The following FUT9 variants were observed in gnomAD, a reference collection of about 807,000 sequenced individuals.
FUT9 encodes 4-galactosyl-N-acetylglucosaminide 3-alpha-L-fucosyltransferase 9.
A neutral mutation model predicts 29.7 loss-of-function variants in FUT9; 15 were observed. The ratio of observed to expected loss-of-function variants is 0.51; its 90% CI spans 0.34 to 0.78. FUT9 has a LOEUF of 0.78. Ranked by LOEUF, FUT9 falls within the 30% of genes least tolerant of loss-of-function variation. The pLI, the probability that FUT9 is intolerant of heterozygous loss-of-function variation, is 0.01. For missense variants in FUT9, 319 were observed against 425.4 expected (o/e 0.75, Z 2.20); for synonymous variants, 169 against 153.7 (o/e 1.10, Z -0.74).
chr6:96,073,026 C>T (rs1324167521), intron 1 of FUT9, among the ~76,000 whole-genome samples: 3 of 152,096 alleles, frequency 2.0e-5, no homozygotes, highest in African/African-American at 4.8e-5. Flanking sequence ...CATGAACAAA[C>T]AATCAGAAAA....
chr6:96,112,538 G>A (rs142317019), intron 1 of FUT9, among the ~76,000 whole-genome samples: 1 of 152,186 alleles, frequency 6.6e-6, no homozygotes, highest in Non-Finnish European at 1.5e-5. Context: ...ATAGTCCAAG[G>A]CTATGTAGAA....
At chr6:96,177,053 A>G (rs1287261689) in intron 2 of FUT9, among the ~76,000 whole-genome samples, 1 of 152,116 alleles carries the variant, frequency 6.6e-6, no homozygotes, top group Non-Finnish European at 1.5e-5. Context: ...GGCTCTTCCC[A>G]TGGTTTGTGA....
At chr6:96,149,277 AT>A (rs35987543) in intron 2 of FUT9, among the ~76,000 whole-genome samples, 10 of 151,928 alleles carry the variant, frequency 6.6e-5, no homozygotes, top group East Asian at 5.8e-4. Flanking sequence ...ACCAGAGAGC[AT>A]TTTTTTTAAA....
intron 2 of FUT9, among the ~76,000 whole-genome samples, chr6:96,143,098 G>A (rs372122140): frequency 8.5e-5 from 13 of 152,226 alleles, no homozygotes; most frequent in Middle Eastern, 6.8e-3. Flanking sequence ...AAATTCCTAC[G>A]TTGAAAACCT....
chr6:96,041,236 A>G (rs1190958599), intron 1 of FUT9, among the ~76,000 whole-genome samples: 5 of 152,020 alleles, frequency 3.3e-5, no homozygotes, highest in African/African-American at 1.2e-4. Flanking sequence ...AGAATGCCTG[A>G]TACACAATAA....
rs970184932 is a variant in FUT9, at chr6:96,206,176, A to G, written c.*1941A>G. The G allele has an allele frequency of 6.0e-6, 1 of 167,064 alleles. No homozygotes were observed. The highest frequency in any genetic ancestry group is 2.4e-5 in the African/African-American group (1 of 41,440). The allele number at this position is 167,064 out of a possible 1,614,324, so 10.3% of individuals were successfully genotyped here. A position where few individuals can be genotyped will look rare whatever the true frequency, so the allele number is the denominator to read the frequency against. On this transcript the variant is annotated 3_prime_UTR_variant, in exon 3 of 3. Transcript: ENST00000302103. ...GGAAAAAAAGTAGAAAATTTCCCCAATTGCTTAGCTGTTTGACATGTTTCT... is the reference window on the plus strand; with the variant it reads ...GGAAAAAAAGTAGAAAATTTCCCCAGTTGCTTAGCTGTTTGACATGTTTCT...
rs58250483 is a variant in FUT9, at chr6:96,138,483, C to CTT, written c.-9+24370_-9+24371dup. On this transcript the variant is annotated intron_variant, in intron 2 of 2. Transcript: ENST00000302103. ...AGCACAAGCACCTATGTGTTCCTTG[C>CTT]TTTTTTTTTTTTTTTGACACTTCAA... Among the ~76,000 whole-genome samples the CTT allele has an allele frequency of 1.3e-4, 19 of 141,948 alleles. 1 individual carries two copies. Among genetic ancestry groups the CTT allele is most frequent in the Admixed American group, 5.7e-4 (8 of 14,158 alleles). The allele number at this position is 141,948 out of a possible 152,430, so 93.1% of individuals were successfully genotyped here. A position where few individuals can be genotyped will look rare whatever the true frequency, so the allele number is the denominator to read the frequency against.
intron 1 of FUT9, among the ~76,000 whole-genome samples, chr6:96,019,653 G>A (rs1449043479): frequency 6.6e-6 from 1 of 151,970 alleles, no homozygotes; most frequent in African/African-American, 2.4e-5. Flanking sequence ...AAACTCTAAT[G>A]TACAATTAAA....
intron 2 of FUT9, among the ~76,000 whole-genome samples, chr6:96,200,752 AGT>A (rs1773713371): frequency 4.6e-5 from 7 of 152,082 alleles, no homozygotes; most frequent in Admixed American, 4.6e-4. Flanking sequence ...TCATATTAAA[AGT>A]TAATGTTTTT....
chr6:96,045,708 GC>G (rs1372254915), intron 1 of FUT9, among the ~76,000 whole-genome samples: 1 of 152,194 alleles, frequency 6.6e-6, no homozygotes, highest in Non-Finnish European at 1.5e-5. Context: ...GATGGGAAAA[GC>G]TGGGGCTGAA....
chr6:96,095,715 T>C (rs985674801), intron 1 of FUT9, among the ~76,000 whole-genome samples: 22 of 152,124 alleles, frequency 1.4e-4, no homozygotes, highest in Admixed American at 3.9e-4. Context: ...AGTAATTCCA[T>C]TGGTGATTTC....
chr6:96,032,860 G>C (rs1770288171), intron 1 of FUT9, among the ~76,000 whole-genome samples: 1 of 151,576 alleles, frequency 6.6e-6, no homozygotes, highest in South Asian at 2.1e-4. Flanking sequence ...ATCCTACTGA[G>C]ATAATATGCT....
intron 1 of FUT9, among the ~76,000 whole-genome samples, chr6:96,031,083 A>G (rs1436402959): frequency 6.6e-6 from 1 of 151,514 alleles, no homozygotes; most frequent in Non-Finnish European, 1.5e-5. Context: ...TTTGCAAATC[A>G]TATTTCAGTA....
At position 96,215,197 on chromosome 6, in the gene FUT9, T is replaced by G. The variant is rs1177390469; in HGVS notation, c.*10962T>G. 6.0e-6 allele frequency: 1 copy of G among 167,050 alleles called. No homozygotes were observed. The highest frequency in any genetic ancestry group is 6.5e-5 in the Admixed American group (1 of 15,268). 10.3% of individuals were successfully genotyped at this position (167,050 alleles called of 1,614,324 possible). The stretch of plus-strand genomic sequence containing the variant: ...AAGGCAAGATGCCAGAGAAAATCTG[T>G]ATATTCAGCTATTTGGAGAACTCGT... On this transcript the variant is annotated 3_prime_UTR_variant, in exon 3 of 3. Coordinates refer to ENST00000302103, the MANE Select transcript of FUT9 (RefSeq NM_006581.4).
rs1409599018 is a variant in FUT9, at chr6:96,211,089, T to C, written c.*6854T>C. 6.0e-6 allele frequency: 1 copy of C among 166,846 alleles called. No homozygotes were observed. The allele number at this position is 166,846 out of a possible 1,614,324, so 10.3% of individuals were successfully genotyped here. ...GTTTGTAGGAATCATTGAAATTTTA[T>C]ACAAGCCGAAGGAACAACATTCAGC... On this transcript the variant is annotated 3_prime_UTR_variant, in exon 3 of 3. Coordinates refer to ENST00000302103, the MANE Select transcript of FUT9 (RefSeq NM_006581.4).
At chr6:96,030,335 G>T (rs541789276) in intron 1 of FUT9, among the ~76,000 whole-genome samples, 4 of 151,578 alleles carry the variant, frequency 2.6e-5, no homozygotes, top group African/African-American at 7.2e-5. Flanking sequence ...GAGATACATG[G>T]TAGGCAAAAA....
chr6:96,099,782 A>G (rs187265327), intron 1 of FUT9, among the ~76,000 whole-genome samples: 2 of 152,254 alleles, frequency 1.3e-5, no homozygotes, highest in East Asian at 3.9e-4. Flanking sequence ...ACTCATCGAT[A>G]AAATATCCAG....
chr6:96,052,855 G>C (rs553684328), intron 1 of FUT9, among the ~76,000 whole-genome samples: 14 of 152,170 alleles, frequency 9.2e-5, no homozygotes, highest in Admixed American at 3.9e-4. Context: ...GGTGTGGAGA[G>C]AAGAATAGAA....
chr6:96,108,506 A>G (rs1771735456), intron 1 of FUT9, among the ~76,000 whole-genome samples: 6 of 152,166 alleles, frequency 3.9e-5, no homozygotes, highest in Admixed American at 3.3e-4. Flanking sequence ...GTGCCTGTAT[A>G]TAGTGAACAC....
Sources: gnomAD v4.1 joint callset for allele counts (sites outside exome capture counted in the v4.1 genomes callset) on GRCh38, gnomAD v4.1.1 for gene constraint, MANE v1.5 for transcripts, NCBI Gene and HGNC (gene_info 2026-07-23, HGNC 2026-07-21) for gene names.